The following ARID2 variants were observed in gnomAD, a reference collection of about 807,000 sequenced individuals.
ARID2 encodes the protein AT-rich interactive domain-containing protein 2.
Under a neutral mutation model 184.6 loss-of-function variants are expected in ARID2, and 32 were observed. The observed-to-expected ratio is 0.17, with a 90% CI of 0.13 to 0.23. The LOEUF (loss-of-function observed/expected upper bound fraction) is 0.23, where lower values mean the gene tolerates loss of function less well. ARID2 is among the 10% of genes least tolerant of loss of function. The pLI is 1.00. For synonymous variants in ARID2, 836 were observed against 772.6 expected, an observed-to-expected ratio of 1.08 and a Z score of -1.36; for missense variants, 1,696 against 2,197.6, an observed-to-expected ratio of 0.77 and a Z score of 4.56.
At chr12:45,834,869 T>C (rs1324274977) in intron 6 of ARID2, among the ~76,000 whole-genome samples, 1 of 152,220 alleles carries the variant, frequency 6.6e-6, no homozygotes, top group Non-Finnish European at 1.5e-5. Context: ...TTATCTTTCT[T>C]GGAGTTTGTA....
intron 6 of ARID2, among the ~76,000 whole-genome samples, chr12:45,831,941 T>C (rs755665539): frequency 2.2e-4 from 34 of 152,264 alleles, no homozygotes; most frequent in Admixed American, 5.2e-4. Flanking sequence ...AATATATTTT[T>C]CCCATCTTTA....
chr12:45,736,809 T>C (rs1941134887), intron 3 of ARID2, among the ~76,000 whole-genome samples: 1 of 152,244 alleles, frequency 6.6e-6, no homozygotes, highest in Non-Finnish European at 1.5e-5. Context: ...TTGCAGGACT[T>C]CTTAGAGACT....
chr12:45,831,146 ATCTT>A (rs1184549888), intron 6 of ARID2, among the ~76,000 whole-genome samples: 1 of 151,838 alleles, frequency 6.6e-6, no homozygotes, highest in Non-Finnish European at 1.5e-5. Flanking sequence ...CTTTTCATAT[ATCTT>A]TCTATTGCTG....
chr12:45,759,558 ACTTAT>A (rs1188980273), intron 3 of ARID2, among the ~76,000 whole-genome samples: 6 of 152,158 alleles, frequency 3.9e-5, no homozygotes, highest in Non-Finnish European at 5.9e-5. Context: ...TAATTGGTGT[ACTTAT>A]CTTATTGAAA....
At chr12:45,856,772 G>T (rs1392601368) in intron 15 of ARID2, among the ~76,000 whole-genome samples, 1 of 152,008 alleles carries the variant, frequency 6.6e-6, no homozygotes, top group Non-Finnish European at 1.5e-5. Context: ...GAAAGTAAAT[G>T]ATATACCCAT....
At chr12:45,782,962 A>G (rs1942124076) in intron 3 of ARID2, among the ~76,000 whole-genome samples, 1 of 151,974 alleles carries the variant, frequency 6.6e-6, no homozygotes, top group Non-Finnish European at 1.5e-5. Flanking sequence ...TGCAAAATAA[A>G]TAAATAAATA....
chr12:45,758,820 A>G (rs1451942544), intron 3 of ARID2, among the ~76,000 whole-genome samples: 2 of 152,194 alleles, frequency 1.3e-5, no homozygotes, highest in East Asian at 1.9e-4. Context: ...TGAAAGTTGT[A>G]TATGTCTTTT....
intron 6 of ARID2, among the ~76,000 whole-genome samples, chr12:45,831,224 T>G (rs2138115529): frequency 6.6e-6 from 1 of 152,332 alleles, no homozygotes; most frequent in Non-Finnish European, 1.5e-5. Flanking sequence ...GTTTTTATTT[T>G]TTTAATATGT....
intron 13 of ARID2, 84 bp from the exon 14 acceptor site, chr12:45,849,496 A>T (rs1031670621): frequency 9.2e-7 from 1 of 1,089,764 alleles, no homozygotes; most frequent in Admixed American, 2.1e-5. Context: ...AACAGTAAAC[A>T]TACTGCTGTT....
chr12:45,865,320 C>T (rs912101848), intron 16 of ARID2, among the ~76,000 whole-genome samples: 3 of 152,016 alleles, frequency 2.0e-5, no homozygotes, highest in Non-Finnish European at 4.4e-5. Context: ...CTATGTCATA[C>T]TCCAAAAAAA....
At position 45,729,727 on chromosome 12, in the gene ARID2, G is replaced by A; in HGVS notation, c.-110G>A. On this transcript the variant is annotated 5_prime_UTR_variant, in exon 1 of 21. Coordinates refer to ENST00000334344, the MANE Select transcript of ARID2 (RefSeq NM_152641.4). ...CACCGCCGGCCCATGACTGAGCCCC[G>A]CCGCCGCCGGCCGAGGAATGGGCTC... The A allele has an allele frequency of 2.9e-6, 3 of 1,039,610 alleles. No homozygotes were observed. Among genetic ancestry groups the A allele is most frequent in the Non-Finnish European group, 4.0e-6 (3 of 745,430 alleles). 64.4% of individuals were successfully genotyped at this position (1,039,610 alleles called of 1,614,324 possible). A position where few individuals can be genotyped will look rare whatever the true frequency, so the allele number is the denominator to read the frequency against.
At chr12:45,867,756 A>AG (rs1301379021) in intron 16 of ARID2, among the ~76,000 whole-genome samples, 1 of 151,210 alleles carries the variant, frequency 6.6e-6, no homozygotes, top group Non-Finnish European at 1.5e-5. Flanking sequence ...AAAAAAAAAA[A>AG]GAAAAAAAAA....
intron 20 of ARID2, among the ~76,000 whole-genome samples, chr12:45,901,044 G>A (rs1017392971): frequency 1.3e-5 from 2 of 150,040 alleles, no homozygotes; most frequent in African/African-American, 4.9e-5. Flanking sequence ...CTTTCAATCT[G>A]GAGATTTATA....
intron 3 of ARID2, among the ~76,000 whole-genome samples, chr12:45,787,504 G>C (rs1280336302): frequency 1.3e-5 from 2 of 151,662 alleles, no homozygotes; most frequent in Non-Finnish European, 2.9e-5. Flanking sequence ...CAAAGTGCTG[G>C]GATTATAGGC....
chr12:45,740,872 T>G (rs1337973702), intron 3 of ARID2, among the ~76,000 whole-genome samples: 1 of 152,194 alleles, frequency 6.6e-6, no homozygotes, highest in East Asian at 1.9e-4. Flanking sequence ...AGGATTTAAG[T>G]TAGGCATTTT....
intron 3 of ARID2, among the ~76,000 whole-genome samples, chr12:45,803,051 A>C (rs1383523723): frequency 6.6e-6 from 1 of 152,092 alleles, no homozygotes; most frequent in African/African-American, 2.4e-5. Context: ...TTTAAGTAGA[A>C]TTAACATGTT....
intron 6 of ARID2, among the ~76,000 whole-genome samples, chr12:45,828,066 G>A (rs1943036401): frequency 6.6e-6 from 1 of 151,830 alleles, no homozygotes; most frequent in Admixed American, 6.6e-5. Flanking sequence ...ACATACATAA[G>A]TATACACCTC....
At chr12:45,876,676 G>GTT (rs1944015076) in intron 16 of ARID2, among the ~76,000 whole-genome samples, 1 of 151,328 alleles carries the variant, frequency 6.6e-6, no homozygotes, top group Admixed American at 6.6e-5. Flanking sequence ...TAATGAAAGT[G>GTT]TTTTAAATAT....
intron 12 of ARID2, among the ~76,000 whole-genome samples, chr12:45,847,352 C>T (rs968377495): frequency 6.6e-6 from 1 of 152,018 alleles, no homozygotes; most frequent in African/African-American, 2.4e-5. Context: ...TGTCTCTTCT[C>T]TTCCATCTAA....
Sources: allele counts gnomAD v4.1 joint callset (sites outside exome capture counted in the v4.1 genomes callset), GRCh38; gene constraint gnomAD v4.1.1; transcripts MANE v1.5; gene names NCBI Gene and HGNC (gene_info 2026-07-23, HGNC 2026-07-21).